Variants in PAK1 observed in about 807,000 individuals in gnomAD.
The protein encoded by PAK1 is serine/threonine-protein kinase PAK 1.
A neutral mutation model predicts 67.4 loss-of-function variants in PAK1; 29 were observed. That is an observed-to-expected ratio of 0.43 (90% confidence interval 0.32 to 0.59). The LOEUF is 0.59. PAK1 is among the 20% of genes least tolerant of loss of function. The pLI is 0.07. For missense variants in PAK1, 337 were observed against 670.7 expected, an observed-to-expected ratio of 0.50 and a Z score of 5.50; for synonymous variants, 223 against 237.4, an observed-to-expected ratio of 0.94 and a Z score of 0.56.
the PAK1 span, among the ~76,000 whole-genome samples, chr11:77,505,980 G>T: frequency 2.0e-5 from 3 of 152,166 alleles, no homozygotes; most frequent in East Asian, 1.9e-4. Flanking sequence ...GGAGGAAAAA[G>T]GTGGCAAGGG....
chr11:77,496,485 C>T, the PAK1 span, among the ~76,000 whole-genome samples: 7 of 151,700 alleles, frequency 4.6e-5, no homozygotes, highest in African/African-American at 1.7e-4. Context: ...AATTTGCCAG[C>T]GTGGTGGTGC....
At chr11:77,443,195 C>T (rs1443771755) in intron 1 of PAK1, among the ~76,000 whole-genome samples, 2 of 151,120 alleles carry the variant, frequency 1.3e-5, no homozygotes, top group Admixed American at 6.6e-5. Flanking sequence ...TGGTAGCGCA[C>T]GCCTGTAGTC....
intron 1 of PAK1, among the ~76,000 whole-genome samples, chr11:77,439,255 T>C (rs1263117920): frequency 1.3e-5 from 2 of 152,224 alleles, no homozygotes; most frequent in African/African-American, 4.8e-5. Context: ...CTATCTCTTC[T>C]ATCTTTTAAA....
intron 2 of PAK1, among the ~76,000 whole-genome samples, chr11:77,385,023 G>C (rs918003562): frequency 6.6e-6 from 1 of 152,124 alleles, no homozygotes; most frequent in Non-Finnish European, 1.5e-5. Context: ...TATCAATCAT[G>C]ATTAGAAACT....
intron 1 of PAK1, among the ~76,000 whole-genome samples, chr11:77,417,121 T>C (rs1661980845): frequency 4.6e-5 from 7 of 152,220 alleles, no homozygotes; most frequent in Non-Finnish European, 1.5e-5. Flanking sequence ...ATTATGTGAT[T>C]ATAGTATTCC....
At chr11:77,377,054 A>T (rs1302287236) in intron 4 of PAK1, among the ~76,000 whole-genome samples, 3 of 152,062 alleles carry the variant, frequency 2.0e-5, no homozygotes, top group African/African-American at 7.2e-5. Context: ...CAAGGTGAGC[A>T]GGTCACTTGA....
the PAK1 span, among the ~76,000 whole-genome samples, chr11:77,505,664 A>G: frequency 3.9e-5 from 6 of 152,198 alleles, no homozygotes; most frequent in Admixed American, 3.3e-4. Flanking sequence ...ATCACACAGT[A>G]TTTGTCCTTT....
At chr11:77,518,622 A>C in the PAK1 span, among the ~76,000 whole-genome samples, 1 of 151,982 alleles carries the variant, frequency 6.6e-6, no homozygotes, top group Non-Finnish European at 1.5e-5. Context: ...TGAGAGAGAA[A>C]ATCATTACAC....
intron 14 of PAK1, among the ~76,000 whole-genome samples, chr11:77,327,616 C>A (rs1463832188): frequency 2.6e-5 from 4 of 152,072 alleles, no homozygotes; most frequent in African/African-American, 9.7e-5. Flanking sequence ...GCCTGCCTTA[C>A]AAGAGCTCCT....
At chr11:77,426,076 CT>C (rs1955529415) in intron 1 of PAK1, among the ~76,000 whole-genome samples, 2 of 142,904 alleles carry the variant, frequency 1.4e-5, no homozygotes, top group Admixed American at 7.0e-5. Flanking sequence ...AATTGAAGGC[CT>C]CTTTTTTTTT....
At chr11:77,518,967 T>C in the PAK1 span, among the ~76,000 whole-genome samples, 5 of 152,308 alleles carry the variant, frequency 3.3e-5, no homozygotes, top group African/African-American at 1.2e-4. Flanking sequence ...ATCCCTCTCC[T>C]TTTTCTATTT....
the PAK1 span, among the ~76,000 whole-genome samples, chr11:77,523,700 A>G: frequency 6.6e-6 from 1 of 152,162 alleles, no homozygotes. Flanking sequence ...TTACAGGCAT[A>G]AGCCACCACA....
intron 4 of PAK1, among the ~76,000 whole-genome samples, chr11:77,378,672 C>G (rs1327971359): frequency 6.6e-6 from 1 of 152,196 alleles, no homozygotes; most frequent in Admixed American, 6.5e-5. Context: ...CACTGCAACT[C>G]CACCTCCCAG....
intron 2 of PAK1, among the ~76,000 whole-genome samples, chr11:77,384,034 G>A (rs145486706): frequency 6.6e-6 from 1 of 152,282 alleles, no homozygotes; most frequent in East Asian, 1.9e-4. Context: ...ACAGAAGAAG[G>A]TAAGTAATAA....
intron 1 of PAK1, among the ~76,000 whole-genome samples, chr11:77,411,261 T>C (rs1366630356): frequency 2.6e-5 from 4 of 152,042 alleles, no homozygotes; most frequent in Non-Finnish European, 5.9e-5. Flanking sequence ...AAAGATGGTT[T>C]GACAGTCTGG....
At chr11:77,479,335 A>T (rs1171390297), upstream of PAK1, among the ~76,000 whole-genome samples, 2 of 152,112 alleles carry the variant, frequency 1.3e-5, no homozygotes, top group East Asian at 3.9e-4. Context: ...CATCTAAGCC[A>T]TTTCCAGACT....
At chr11:77,455,165 C>G (rs1957028988) in intron 1 of PAK1, among the ~76,000 whole-genome samples, 1 of 152,120 alleles carries the variant, frequency 6.6e-6, no homozygotes, top group Non-Finnish European at 1.5e-5. Context: ...TTTCTGTTTA[C>G]CGAATTCCAA....
At chr11:77,442,994 G>A (rs1292515835) in intron 1 of PAK1, among the ~76,000 whole-genome samples, 3 of 152,156 alleles carry the variant, frequency 2.0e-5, no homozygotes, top group African/African-American at 7.2e-5. Flanking sequence ...AGGATTAAAT[G>A]AGAATAGTTT....
chr11:77,361,042 G>A (rs1313001969), intron 5 of PAK1, among the ~76,000 whole-genome samples: 2 of 152,068 alleles, frequency 1.3e-5, no homozygotes, highest in Admixed American at 1.3e-4. Flanking sequence ...TCCATTCACT[G>A]TGTGCCAGAC....
Sources: allele counts gnomAD v4.1 joint callset (sites outside exome capture counted in the v4.1 genomes callset), GRCh38; gene constraint gnomAD v4.1.1; transcripts MANE v1.5; gene names NCBI Gene and HGNC (gene_info 2026-07-23, HGNC 2026-07-21).